SPTLC3: variants seen among roughly 807,000 people sequenced by gnomAD.
SPTLC3 encodes the protein serine palmitoyltransferase 3.
A neutral mutation model predicts 59.3 loss-of-function variants in SPTLC3; 36 were observed. That is an observed-to-expected ratio of 0.61 (90% confidence interval 0.47 to 0.80). SPTLC3 has a LOEUF of 0.80. SPTLC3 is among the 30% of genes least tolerant of loss of function. SPTLC3 has a pLI of 0.00. For missense variants in SPTLC3, 625 were observed against 685.1 expected (o/e 0.91, Z 0.98); for synonymous variants, 257 against 240.8 (o/e 1.07, Z -0.62).
At chr20:13,023,327 G>A (rs1338564432) in intron 1 of SPTLC3, among the ~76,000 whole-genome samples, 1 of 151,068 alleles carries the variant, frequency 6.6e-6, no homozygotes. Flanking sequence ...ACACATGCAT[G>A]CACACATTAA....
intron 4 of SPTLC3, 121 bp from the exon 5 acceptor site, chr20:13,090,962 C>A (rs1989192368): frequency 7.3e-7 from 1 of 1,367,586 alleles, no homozygotes; most frequent in Non-Finnish European, 9.9e-7. Flanking sequence ...AATGGCAAAT[C>A]TTCCTGCTAC....
intron 9 of SPTLC3, among the ~76,000 whole-genome samples, chr20:13,142,756 C>G (rs1012253351): frequency 1.3e-5 from 2 of 152,144 alleles, no homozygotes; most frequent in Non-Finnish European, 2.9e-5. Flanking sequence ...GTGCCAGAAT[C>G]CAGTCTTTTG....
intron 1 of SPTLC3, among the ~76,000 whole-genome samples, chr20:13,033,604 G>A (rs1429083418): frequency 1.3e-5 from 2 of 152,200 alleles, no homozygotes; most frequent in South Asian, 2.1e-4. Flanking sequence ...CTGTGAGGAG[G>A]AGAGGTAAAT....
intron 8 of SPTLC3, among the ~76,000 whole-genome samples, chr20:13,119,995 C>T (rs1990813318): frequency 6.6e-6 from 1 of 152,152 alleles, no homozygotes; most frequent in Non-Finnish European, 1.5e-5. Flanking sequence ...TCCTTTGTAC[C>T]TTTAATTCTT....
Position 13,056,710 on chromosome 20 carries a change from A to C in SPTLC3, c.303+7580A>C, listed in dbSNP as rs148689353. 3.8e-4 allele frequency among the ~76,000 whole-genome samples: 57 copies of C among 150,200 alleles called. No individual in the cohort carries two copies. The East Asian group carries it at 7.8e-3, about 21-fold the overall frequency. On this transcript the variant is annotated intron_variant, in intron 2 of 11. Coordinates refer to ENST00000399002, the MANE Select transcript of SPTLC3 (RefSeq NM_018327.4). ...AGTGATCCATCCACTTTGGCCTCCC[A>C]AAGTGCCACCGCACCCAGCCCATCC... is the stretch of plus-strand genomic sequence containing the variant.
chr20:13,136,877 A>G (rs2038260150), intron 9 of SPTLC3, among the ~76,000 whole-genome samples: 1 of 151,938 alleles, frequency 6.6e-6, no homozygotes, highest in East Asian at 1.9e-4. Flanking sequence ...CTCTGTTACT[A>G]TTATCCTTCT....
chr20:13,009,225 C>T lies in SPTLC3; in HGVS notation c.-43C>T. ...GACTGAAAACTAAAGCCTGCAGAGA[C>T]CTCTGAAGGAAAACCTGTCCCGGGC... is the stretch of plus-strand genomic sequence containing the variant. On this transcript the variant is annotated 5_prime_UTR_variant, in exon 1 of 12. Transcript: ENST00000399002. 1 of 1,527,258 alleles carries T rather than the reference C, an allele frequency of 6.5e-7. No homozygotes were observed. Among genetic ancestry groups the T allele is most frequent in the Non-Finnish European group, 9.1e-7 (1 of 1,101,518 alleles). 94.6% of individuals were successfully genotyped at this position (1,527,258 alleles called of 1,614,324 possible).
chr20:13,086,801 CTTT>C (rs1258011632), intron 4 of SPTLC3, among the ~76,000 whole-genome samples: 1 of 151,722 alleles, frequency 6.6e-6, no homozygotes, highest in Admixed American at 6.6e-5. Flanking sequence ...TTCTTTTCTT[CTTT>C]TTTTCCCCTA....
chr20:13,034,515 C>T (rs949678251), intron 1 of SPTLC3, among the ~76,000 whole-genome samples: 1 of 152,108 alleles, frequency 6.6e-6, no homozygotes, highest in African/African-American at 2.4e-5. Flanking sequence ...TCCCATAATT[C>T]TTGTGGTCTT....
At position 13,165,714 on chromosome 20, in the gene SPTLC3, G is replaced by A. The variant is rs1427288251; in HGVS notation, c.*847G>A. On this transcript the variant is annotated 3_prime_UTR_variant, in exon 12 of 12. Coordinates refer to ENST00000399002, the MANE Select transcript of SPTLC3 (RefSeq NM_018327.4). Reference sequence around the variant, plus strand: ...CAGCCTCTATTACCTTAAGGAATTAGTTGTCATTTTCCTATTGAATTTTGA... The same window carrying A: ...CAGCCTCTATTACCTTAAGGAATTAATTGTCATTTTCCTATTGAATTTTGA... 1 of 152,174 alleles carries A rather than the reference G, an allele frequency of 6.6e-6. No individual in the cohort carries two copies. Among genetic ancestry groups the A allele is most frequent in the East Asian group, 1.9e-4 (1 of 5,192 alleles). The allele number at this position is 152,174 out of a possible 1,614,324, so 9.4% of individuals were successfully genotyped here. A position where few individuals can be genotyped will look rare whatever the true frequency, so the allele number is the denominator to read the frequency against.
At chr20:13,124,950 A>G (rs1466534682) in intron 8 of SPTLC3, among the ~76,000 whole-genome samples, 1 of 152,232 alleles carries the variant, frequency 6.6e-6, no homozygotes, top group Non-Finnish European at 1.5e-5. Context: ...CATAGCGAAG[A>G]CACCTGCCTA....
chr20:13,100,721 G>A (rs1030371741), intron 6 of SPTLC3, among the ~76,000 whole-genome samples: 1 of 152,136 alleles, frequency 6.6e-6, no homozygotes, highest in Non-Finnish European at 1.5e-5. Context: ...TTAGCTAACT[G>A]GTTCATTTAA....
chr20:13,066,546 T>A lies in SPTLC3; in HGVS notation c.304-5710T>A, dbSNP rs374391521. 5.4e-4 allele frequency among the ~76,000 whole-genome samples: 82 copies of A among 152,336 alleles called. 1 individual carries two copies. The South Asian group carries it at 5.8e-3, about 11-fold the overall frequency. The stretch of plus-strand genomic sequence containing the variant: ...CTGTGGGTGTTAACCTTATGACTCC[T>A]TGCATATACTGAAAAATGTGTGTAT... On this transcript the variant is annotated intron_variant, in intron 2 of 11. Coordinates refer to ENST00000399002, the MANE Select transcript of SPTLC3 (RefSeq NM_018327.4).
In SPTLC3 at chr20:13,151,242, C is replaced by T. The variant is rs375490478; in HGVS notation, c.1280-2761C>T. The stretch of plus-strand genomic sequence containing the variant: ...CTTACTACCAACTAAAGTTTACTAC[C>T]ATCCTCTCTAAATTTTTCACATCCA... On this transcript the variant is annotated intron_variant, in intron 9 of 11. Transcript: ENST00000399002. Among the ~76,000 whole-genome samples, 32 of 152,252 alleles carry T rather than the reference C, an allele frequency of 2.1e-4. 1 individual carries two copies. The East Asian group carries it at 3.3e-3, about 16-fold the overall frequency.
At chr20:13,154,278 C>T in intron 10 of SPTLC3, 140 bp downstream of exon 10, 2 of 1,055,028 alleles carry the variant, frequency 1.9e-6, no homozygotes, top group Non-Finnish European at 2.7e-6. Flanking sequence ...CGGAAGCCAC[C>T]TGTCACTCTA....
intron 1 of SPTLC3, among the ~76,000 whole-genome samples, chr20:13,034,021 A>T (rs1269020291): frequency 6.6e-6 from 1 of 152,166 alleles, no homozygotes; most frequent in Non-Finnish European, 1.5e-5. Context: ...AGGAATAAAA[A>T]GCAGGGTGTG....
chr20:13,140,360 G>A (rs898656463), intron 9 of SPTLC3, among the ~76,000 whole-genome samples: 5 of 152,118 alleles, frequency 3.3e-5, no homozygotes, highest in African/African-American at 1.2e-4. Flanking sequence ...TAGACGAAAA[G>A]GAAGCTAATA....
intron 9 of SPTLC3, among the ~76,000 whole-genome samples, chr20:13,137,542 T>G (rs1314979970): frequency 6.6e-6 from 1 of 152,172 alleles, no homozygotes; most frequent in Non-Finnish European, 1.5e-5. Flanking sequence ...ATTCTAAAAT[T>G]AAAACTGAGT....
intron 10 of SPTLC3, among the ~76,000 whole-genome samples, chr20:13,155,205 A>C (rs1027253224): frequency 6.6e-6 from 1 of 152,134 alleles, no homozygotes. Flanking sequence ...AAGGAAGTTA[A>C]CTAAGCTCCT....
Sources: allele counts gnomAD v4.1 joint callset (sites outside exome capture counted in the v4.1 genomes callset), GRCh38; gene constraint gnomAD v4.1.1; transcripts MANE v1.5; gene names NCBI Gene and HGNC (gene_info 2026-07-23, HGNC 2026-07-21).